Variants in KCNG2 observed in about 807,000 individuals in gnomAD.
KCNG2 encodes the protein voltage-gated potassium channel regulatory subunit KCNG2.
Under a neutral mutation model 12.3 loss-of-function variants are expected in KCNG2, and 7 were observed. The observed-to-expected ratio is 0.57, with a 90% confidence interval of 0.32 to 1.07. The LOEUF (loss-of-function observed/expected upper bound fraction) is 1.07, where lower values mean the gene tolerates loss of function less well. Ranked by LOEUF, KCNG2 falls within the 50% of genes least tolerant of loss-of-function variation. The pLI, the probability that KCNG2 is intolerant of heterozygous loss-of-function variation, is 0.04. For synonymous variants in KCNG2, 414 were observed against 351.4 expected (o/e 1.18, Z -1.99); for missense variants, 703 against 726.0 (o/e 0.97, Z 0.36).
intron 1 of KCNG2, among the ~76,000 whole-genome samples, chr18:79,848,181 C>G (rs1393190445): frequency 6.6e-6 from 1 of 152,204 alleles, no homozygotes; most frequent in East Asian, 1.9e-4. Context: ...CATCTGTCCT[C>G]GATCCCTGAG....
At chr18:79,856,833 G>A (rs559201730) in intron 2 of KCNG2, among the ~76,000 whole-genome samples, 6 of 152,066 alleles carry the variant, frequency 3.9e-5, no homozygotes, top group Non-Finnish European at 7.4e-5. Context: ...AGGAAGCTCC[G>A]TCTTGTGAGC....
intron 1 of KCNG2, among the ~76,000 whole-genome samples, chr18:79,814,574 G>T (rs1253981167): frequency 6.6e-6 from 1 of 152,208 alleles, no homozygotes; most frequent in African/African-American, 2.4e-5. Flanking sequence ...GGGCTGCCAG[G>T]GTTTTACAGA....
At position 79,846,233 on chromosome 18, in the gene KCNG2, C is replaced by T. The variant is rs186266366; in HGVS notation, c.-114-10146C>T. Among the ~76,000 whole-genome samples the T allele has an allele frequency of 2.0e-3, 295 of 151,130 alleles. 3 individuals are homozygous for T. Among genetic ancestry groups the T allele is most frequent in the African/African-American group, 6.8e-3 (279 of 41,124 alleles). On this transcript the variant is annotated intron_variant, in intron 1 of 3. Transcript: ENST00000316249. ...TAAAAAATACAAAAAATTGGCCAGG[C>T]GTGGTGGCGGGCGCCTGTAGTCCCA...
intron 1 of KCNG2, among the ~76,000 whole-genome samples, chr18:79,817,615 A>G (rs1394905773): frequency 6.6e-6 from 1 of 152,180 alleles, no homozygotes; most frequent in African/African-American, 2.4e-5. Flanking sequence ...GCTGTCACAC[A>G]CGCGGGTTGT....
intron 3 of KCNG2, among the ~76,000 whole-genome samples, chr18:79,889,656 TA>T (rs1312508929): frequency 6.6e-6 from 1 of 152,224 alleles, no homozygotes; most frequent in Non-Finnish European, 1.5e-5. Context: ...ATTTTCTATA[TA>T]CGAGGTCCTG....
At chr18:79,833,876 C>T (rs559021480) in intron 1 of KCNG2, among the ~76,000 whole-genome samples, 87 of 152,278 alleles carry the variant, frequency 5.7e-4, no homozygotes, top group African/African-American at 2.0e-3. Context: ...CTGCTGAGTG[C>T]GCCGGGAAGA....
At chr18:79,849,356 T>A (rs1371292506) in intron 1 of KCNG2, among the ~76,000 whole-genome samples, 1 of 152,236 alleles carries the variant, frequency 6.6e-6, no homozygotes, top group African/African-American at 2.4e-5. Context: ...CTCCCAGCGC[T>A]GAGCTTCTGG....
At chr18:79,873,531 G>A (rs889712373) in intron 3 of KCNG2, among the ~76,000 whole-genome samples, 2 of 152,176 alleles carry the variant, frequency 1.3e-5, no homozygotes, top group African/African-American at 4.8e-5. Context: ...CAGCTGTGAG[G>A]GGCGTCGGGG....
intron 1 of KCNG2, among the ~76,000 whole-genome samples, chr18:79,836,696 GGA>G (rs1301017362): frequency 6.6e-6 from 1 of 152,262 alleles, no homozygotes; most frequent in East Asian, 1.9e-4. Flanking sequence ...CATGGCTGCA[GGA>G]GAGAGAGAGT....
intron 1 of KCNG2, among the ~76,000 whole-genome samples, chr18:79,802,172 A>G (rs557344006): frequency 1.2e-4 from 19 of 152,324 alleles, no homozygotes; most frequent in African/African-American, 4.1e-4. Context: ...TATTTTTCTC[A>G]CTGTGGGTTT....
At chr18:79,893,524 C>T (rs1980826845) in intron 3 of KCNG2, among the ~76,000 whole-genome samples, 1 of 151,860 alleles carries the variant, frequency 6.6e-6, no homozygotes, top group East Asian at 1.9e-4. Flanking sequence ...TCACTCCATG[C>T]ACATCTAATG....
Position 79,862,803 on chromosome 18 carries a change from T to A in KCNG2, c.-40-825T>A, listed in dbSNP as rs80044109. ...GTGGCTGCCTTTGCACAGACGGAGT[T>A]CCAAGACACCGGAGATGAAGGCAGG... On this transcript the variant is annotated intron_variant, in intron 2 of 3. Transcript: ENST00000316249. Among the ~76,000 whole-genome samples, 3 of 152,174 alleles carry A rather than the reference T, an allele frequency of 2.0e-5. No homozygotes were observed. In the East Asian group the frequency reaches 5.8e-4, roughly 29 times the overall value.
At chr18:79,896,417 C>T (rs1311071095) in intron 3 of KCNG2, among the ~76,000 whole-genome samples, 1 of 151,924 alleles carries the variant, frequency 6.6e-6, no homozygotes, top group Admixed American at 6.6e-5. Flanking sequence ...ATTCACTTTT[C>T]TCCCTTTTGG....
At chr18:79,808,043 G>A (rs551083989) in intron 1 of KCNG2, among the ~76,000 whole-genome samples, 3 of 134,576 alleles carry the variant, frequency 2.2e-5, no homozygotes, top group Non-Finnish European at 4.7e-5. Context: ...CACACTCCAC[G>A]TTACGGTCCC....
rs949717672 is a variant in KCNG2, at chr18:79,800,858, G to A, written c.-115+2844G>A. On this transcript the variant is annotated intron_variant, in intron 1 of 3. Transcript: ENST00000316249. This position sits in a 1 kb window ranked among gnomAD's most constrained non-coding sequence, Gnocchi z 4.0. The stretch of plus-strand genomic sequence containing the variant: ...CGAAGCAAATGTCAAGTCAAAATGG[G>A]TCCCCGGCGGGGCCAGGAGAACACC... 3.3e-5 allele frequency among the ~76,000 whole-genome samples: 5 copies of A among 152,228 alleles called. No individual in the cohort carries two copies. Among genetic ancestry groups the A allele is most frequent in the African/African-American group, 9.6e-5 (4 of 41,464 alleles).
intron 1 of KCNG2, among the ~76,000 whole-genome samples, chr18:79,801,612 G>A (rs973676977): frequency 6.6e-6 from 1 of 152,246 alleles, no homozygotes; most frequent in African/African-American, 2.4e-5. Flanking sequence ...TATATTAGAC[G>A]TGAGTAGTAA....
intron 1 of KCNG2, among the ~76,000 whole-genome samples, chr18:79,801,112 C>T (rs894873868): frequency 2.6e-5 from 4 of 152,168 alleles, no homozygotes; most frequent in Non-Finnish European, 4.4e-5. Context: ...ATCCCCGCCA[C>T]GTCAGATGAG....
chr18:79,884,928 C>T lies in KCNG2; in HGVS notation c.625-14112C>T, dbSNP rs149645975. 4.3e-3 allele frequency among the ~76,000 whole-genome samples: 648 copies of T among 152,278 alleles called. 6 individuals carry two copies. The highest frequency in any genetic ancestry group is 0.015 in the African/African-American group (611 of 41,560). ...AACTGTGATAATGAGAGCGTCCTGACACCAGGGCTGGGAAGCCCACACTGA... is the reference window on the plus strand; with the variant it reads ...AACTGTGATAATGAGAGCGTCCTGATACCAGGGCTGGGAAGCCCACACTGA... On this transcript the variant is annotated intron_variant, in intron 3 of 3. Transcript: ENST00000316249. The surrounding 1 kb of genome is among the most constrained non-coding windows in gnomAD (Gnocchi z 5.5).
intron 1 of KCNG2, among the ~76,000 whole-genome samples, chr18:79,812,367 GAATT>G (rs2087499035): frequency 6.6e-6 from 1 of 152,096 alleles, no homozygotes; most frequent in South Asian, 2.1e-4. Flanking sequence ...TTACAAAATT[GAATT>G]AATTCTTAAA....
Sources: gnomAD v4.1 joint callset for allele counts (sites outside exome capture counted in the v4.1 genomes callset) on GRCh38, gnomAD v4.1.1 for gene constraint, Gnocchi (gnomAD v3.1) non-coding constraint, MANE v1.5 for transcripts, NCBI Gene and HGNC (gene_info 2026-07-23, HGNC 2026-07-21) for gene names.